NHS: variants seen among roughly 807,000 people sequenced by gnomAD.
NHS encodes the protein actin remodeling regulator NHS.
In NHS, 5 loss-of-function variants were observed where a neutral mutation model predicts 72.5. That is an observed-to-expected ratio of 0.07 (90% CI 0.04 to 0.14). The LOEUF (loss-of-function observed/expected upper bound fraction) is 0.14, where lower values mean the gene tolerates loss of function less well. Among genes scored for constraint, NHS ranks in the 10% least tolerant of loss-of-function variants. NHS has a pLI of 1.00. For missense variants in NHS, 1,072 were observed against 1,355.7 expected, an observed-to-expected ratio of 0.79 and a Z score of 3.29; for synonymous variants, 464 against 547.7, an observed-to-expected ratio of 0.85 and a Z score of 2.13.
chrX:17,655,266 C>CG (rs1466702276), intron 1 of NHS, among the ~76,000 whole-genome samples: 34 of 112,101 alleles, frequency 3.0e-4, no homozygotes, highest in African/African-American at 9.4e-4. Context: ...AAGAGAGCCA[C>CG]GGGGGTGCGG....
intron 1 of NHS, among the ~76,000 whole-genome samples, chrX:17,437,298 C>A (rs1194088413): frequency 1.8e-5 from 2 of 112,041 alleles, no homozygotes. Flanking sequence ...CACACATGCA[C>A]ACACACATTG....
At chrX:17,705,306 C>G (rs1234071438) in intron 3 of NHS, 2 of 111,874 alleles carry the variant, frequency 1.8e-5, no homozygotes, top group Admixed American at 1.9e-4. Flanking sequence ...GAGCATGGAA[C>G]AGTTTAGTCT....
At chrX:17,628,363 G>A (rs1167502226) in intron 1 of NHS, among the ~76,000 whole-genome samples, 2 of 112,102 alleles carry the variant, frequency 1.8e-5, no homozygotes, top group Admixed American at 1.9e-4. Context: ...AAGAGGGAAG[G>A]TTAGAGTGTT....
At chrX:17,516,745 C>T (rs926334558) in intron 1 of NHS, among the ~76,000 whole-genome samples, 1 of 108,135 alleles carries the variant, frequency 9.2e-6, no homozygotes, top group African/African-American at 3.4e-5. Context: ...CCACATACTG[C>T]CAACTTGGCC....
chrX:17,409,741 C>T (rs2064548223), intron 1 of NHS, among the ~76,000 whole-genome samples: 1 of 111,671 alleles, frequency 9.0e-6, no homozygotes, highest in Non-Finnish European at 1.9e-5. Context: ...CACTTTTGCT[C>T]ATCCTTCATT....
At chrX:17,381,635 C>T (rs2064378383) in intron 1 of NHS, among the ~76,000 whole-genome samples, 1 of 112,548 alleles carries the variant, frequency 8.9e-6, no homozygotes, top group African/African-American at 3.2e-5. Context: ...ATTGTTCATT[C>T]TCATTGCTGA....
chrX:17,707,969 G>C (rs1036828367), intron 3 of NHS, among the ~76,000 whole-genome samples: 1 of 111,484 alleles, frequency 9.0e-6, no homozygotes, highest in African/African-American at 3.3e-5. Context: ...ATCCAGACTT[G>C]TCCTAGACAA....
At chrX:17,645,251 C>T (rs773166381) in intron 1 of NHS, among the ~76,000 whole-genome samples, 6 of 111,527 alleles carry the variant, frequency 5.4e-5, no homozygotes, top group African/African-American at 2.0e-4. Flanking sequence ...ACCATGATAC[C>T]AGTATTATTT....
At position 17,676,005 on chromosome X, in the gene NHS, TAA is replaced by T. The variant is rs758861890; in HGVS notation, c.566-11736_566-11735del. Among the ~76,000 whole-genome samples, 615 of 111,917 alleles carry T rather than the reference TAA, an allele frequency of 5.5e-3. 1 individual carries two copies. Among genetic ancestry groups the T allele is most frequent in the South Asian group, 0.014 (37 of 2,631 alleles). On this transcript the variant is annotated intron_variant, in intron 1 of 8. Transcript: ENST00000676302. ...TCACTTATGCTCTCTAAGTAGATTT[TAA>T]GAGACTAACCTCCACCTAGGAGAAG...
intron 1 of NHS, among the ~76,000 whole-genome samples, chrX:17,650,494 C>T (rs1044669030): frequency 1.8e-5 from 2 of 112,160 alleles, no homozygotes; most frequent in East Asian, 5.6e-4. Context: ...ATCAGACTGT[C>T]AAAGTATTTG....
chrX:17,440,402 A>G lies in NHS; in HGVS notation c.565+64080A>G, dbSNP rs1320191530. Among the ~76,000 whole-genome samples, 12 of 111,325 alleles carry G rather than the reference A, an allele frequency of 1.1e-4. No individual in the cohort carries two copies. The Admixed American group carries it at 1.1e-3, about 11-fold the overall frequency. ...CCTAAAGATGGACTCACTGGGTTGA[A>G]GGCCATGTATGTCTTTGGCTTTGTG... is the stretch of plus-strand genomic sequence containing the variant. On this transcript the variant is annotated intron_variant, in intron 1 of 8. Transcript: ENST00000676302.
chrX:17,575,707 T>C (rs2065506829), intron 1 of NHS, among the ~76,000 whole-genome samples: 2 of 112,685 alleles, frequency 1.8e-5, no homozygotes, highest in Admixed American at 1.9e-4. Flanking sequence ...TGTTTGCTGT[T>C]GTACCTCCAG....
At chrX:17,466,747 C>T (rs1159420326) in intron 1 of NHS, among the ~76,000 whole-genome samples, 1 of 111,575 alleles carries the variant, frequency 9.0e-6, no homozygotes, top group African/African-American at 3.3e-5. Context: ...CATAGACCTT[C>T]CTGTCCTGGG....
chrX:17,402,727 G>A (rs774754129), intron 1 of NHS, among the ~76,000 whole-genome samples: 33 of 111,505 alleles, frequency 3.0e-4, no homozygotes, highest in African/African-American at 8.5e-4. Context: ...TAGTGATAAT[G>A]GTTGTGCAAC....
intron 1 of NHS, among the ~76,000 whole-genome samples, chrX:17,554,012 C>G (rs1024775818): frequency 8.9e-6 from 1 of 111,767 alleles, no homozygotes; most frequent in Non-Finnish European, 1.9e-5. Context: ...CAATTTGCTC[C>G]TTCATTTTGG....
At chrX:17,626,204 C>T (rs1456262813) in intron 1 of NHS, among the ~76,000 whole-genome samples, 1 of 111,803 alleles carries the variant, frequency 8.9e-6, no homozygotes, top group African/African-American at 3.3e-5. Context: ...CTATTCTATC[C>T]CTTTGTTCTT....
intron 1 of NHS, among the ~76,000 whole-genome samples, chrX:17,546,376 C>A (rs1184991510): frequency 8.9e-6 from 1 of 112,040 alleles, no homozygotes; most frequent in Non-Finnish European, 1.9e-5. Context: ...TATCACAGGG[C>A]AGAGTATAGA....
In NHS at chrX:17,731,957, C is replaced by T. The variant is rs1601862432; in HGVS notation, c.4449C>T (p.Ser1483=). 8.3e-7 allele frequency: 1 copy of T among 1,211,752 alleles called. No individual in the cohort carries two copies. Among genetic ancestry groups the T allele is most frequent in the Non-Finnish European group, 1.1e-6 (1 of 895,518 alleles). ...PLSSSSSSAS[S]ITSPSSNVTT... ...GCAGTAGCAGCAGCAGCGCCAGTTCCATCACTTCACCCAGCAGTAATGTGA... is the reference window on the plus strand; with the variant it reads ...GCAGTAGCAGCAGCAGCGCCAGTTCTATCACTTCACCCAGCAGTAATGTGA... Residue 1483 remains serine, a synonymous_variant, in exon 9 of 9, where the codon TCC becomes TCT. Transcript: ENST00000676302.
intron 1 of NHS, among the ~76,000 whole-genome samples, chrX:17,557,774 G>C (rs181718342): frequency 0.027 from 2,990 of 111,253 alleles, 86 homozygotes; most frequent in South Asian, 0.075. Flanking sequence ...GGTCCACTTC[G>C]AAGTTTACAC....
Sources: allele counts gnomAD v4.1 joint callset (sites outside exome capture counted in the v4.1 genomes callset), GRCh38; gene constraint gnomAD v4.1.1; transcripts MANE v1.5; gene names NCBI Gene and HGNC (gene_info 2026-07-23, HGNC 2026-07-21).